SPTLC3: variants seen among roughly 807,000 people sequenced by gnomAD.
The protein encoded by SPTLC3 is serine palmitoyltransferase 3.
A neutral mutation model predicts 59.3 loss-of-function variants in SPTLC3; 36 were observed. The ratio of observed to expected loss-of-function variants is 0.61; its 90% confidence interval spans 0.47 to 0.80. SPTLC3 has a LOEUF of 0.80. SPTLC3 is among the 30% of genes least tolerant of loss of function. The probability of loss-of-function intolerance (pLI) is 0.00; values close to 1 mark genes in which losing one functional copy is unlikely to be tolerated. For synonymous variants in SPTLC3, 257 were observed against 240.8 expected (o/e 1.07, Z -0.62); for missense variants, 625 against 685.1 (o/e 0.91, Z 0.98).
At chr20:13,116,634 G>A (rs1304225831) in intron 7 of SPTLC3, among the ~76,000 whole-genome samples, 1 of 152,122 alleles carries the variant, frequency 6.6e-6, no homozygotes, top group African/African-American at 2.4e-5. Context: ...GTTCTATCGT[G>A]TATCTGTCCC....
At chr20:13,104,426 C>G (rs1415875225) in intron 6 of SPTLC3, among the ~76,000 whole-genome samples, 2 of 152,176 alleles carry the variant, frequency 1.3e-5, no homozygotes, top group Non-Finnish European at 2.9e-5. Context: ...GGCTCCCACT[C>G]TCTCGTCTGC....
intron 1 of SPTLC3, among the ~76,000 whole-genome samples, chr20:13,032,712 T>C (rs960098181): frequency 6.6e-6 from 1 of 152,172 alleles, no homozygotes; most frequent in African/African-American, 2.4e-5. Flanking sequence ...TTTAGACCCC[T>C]CCATGCAATC....
At position 13,129,558 on chromosome 20, in the gene SPTLC3, G is replaced by C. The variant is rs150768059; in HGVS notation, c.1279+2841G>C. On this transcript the variant is annotated intron_variant, in intron 9 of 11. Transcript: ENST00000399002. ...GTCTTGTTTTAAAGACAAGTGACTAGGAAAAAGTTATTCTAGAAATTAGCT... is the reference window on the plus strand; with the variant it reads ...GTCTTGTTTTAAAGACAAGTGACTACGAAAAAGTTATTCTAGAAATTAGCT... 2.4e-4 allele frequency among the ~76,000 whole-genome samples: 37 copies of C among 152,304 alleles called. No homozygotes were observed. The East Asian group carries it at 6.9e-3, about 29-fold the overall frequency.
At chr20:13,101,967 T>C (rs1989617032) in intron 6 of SPTLC3, among the ~76,000 whole-genome samples, 1 of 151,966 alleles carries the variant, frequency 6.6e-6, no homozygotes, top group Non-Finnish European at 1.5e-5. Flanking sequence ...GCTTAGAGAG[T>C]TGTCATGAGG....
chr20:13,055,564 G>C lies in SPTLC3; in HGVS notation c.303+6434G>C, dbSNP rs553331980. Among the ~76,000 whole-genome samples the C allele has an allele frequency of 5.3e-5, 8 of 152,264 alleles. No individual in the cohort carries two copies. In the South Asian group the frequency reaches 1.7e-3, roughly 32 times the overall value. ...TCTCAGGTGTGGCATTTCTTGGAAG[G>C]CTTAGGCTTCAAATCTACAATCTAT... On this transcript the variant is annotated intron_variant, in intron 2 of 11. Transcript: ENST00000399002.
chr20:13,148,544 G>A (rs969353451), intron 9 of SPTLC3, among the ~76,000 whole-genome samples: 1 of 152,248 alleles, frequency 6.6e-6, no homozygotes, highest in African/African-American at 2.4e-5. Context: ...GAACTGCTGG[G>A]AAGTAATCAT....
rs996121110 is a variant in SPTLC3 at position 13,074,274 on chromosome 20, T to A, written c.459-75T>A. On this transcript the variant is annotated intron_variant, in intron 3 of 11. Transcript: ENST00000399002. ...CTTTTTCTTCATAGGAACCCAAGTC[T>A]TCCACCAGGGATTTTTTGAATCGTG... is the stretch of plus-strand genomic sequence containing the variant. The A allele has an allele frequency of 7.0e-6, 11 of 1,570,684 alleles. No individual in the cohort carries two copies. In the African/African-American group the frequency reaches 1.1e-4, roughly 15 times the overall value.
chr20:13,092,034 G>A (rs1443753987), intron 5 of SPTLC3, among the ~76,000 whole-genome samples: 1 of 152,124 alleles, frequency 6.6e-6, no homozygotes, highest in Non-Finnish European at 1.5e-5. Context: ...CATAGAAAAG[G>A]CATGCCCATA....
intron 2 of SPTLC3, among the ~76,000 whole-genome samples, chr20:13,058,096 T>C (rs1987800738): frequency 6.6e-6 from 1 of 152,188 alleles, no homozygotes; most frequent in Non-Finnish European, 1.5e-5. Context: ...CACAGACATT[T>C]CTGGCCCATC....
rs1985086405 is a variant in SPTLC3 at position 13,009,098 on chromosome 20, A to G, written c.-170A>G. The stretch of plus-strand genomic sequence containing the variant: ...GTAACCATTTGTTTTAGTTTCAACG[A>G]TCTGACAAAAAGATAGGCTGTTGCT... On this transcript the variant is annotated 5_prime_UTR_variant, in exon 1 of 12. Coordinates refer to ENST00000399002, the MANE Select transcript of SPTLC3 (RefSeq NM_018327.4). 1 of 632,922 alleles carries G rather than the reference A, an allele frequency of 1.6e-6. No homozygotes were observed. The highest frequency in any genetic ancestry group is 2.5e-5 in the Admixed American group (1 of 39,292). 39.2% of individuals were successfully genotyped at this position (632,922 alleles called of 1,614,324 possible).
intron 1 of SPTLC3, among the ~76,000 whole-genome samples, chr20:13,034,204 A>G (rs577149557): frequency 1.9e-3 from 294 of 152,278 alleles, no homozygotes; most frequent in Admixed American, 4.1e-3. Context: ...AAGAAAAAAA[A>G]AATGTATTTG....
At chr20:13,099,464 C>A (rs1322727404) in intron 6 of SPTLC3, among the ~76,000 whole-genome samples, 1 of 152,230 alleles carries the variant, frequency 6.6e-6, no homozygotes, top group East Asian at 1.9e-4. Flanking sequence ...TAACTTCTTA[C>A]AGCAGCAATA....
intron 2 of SPTLC3, among the ~76,000 whole-genome samples, chr20:13,055,195 G>A (rs945626900): frequency 6.6e-5 from 10 of 151,938 alleles, no homozygotes; most frequent in Non-Finnish European, 1.5e-4. Flanking sequence ...AAATGGTTCT[G>A]TTGGCAAAAT....
At chr20:13,137,896 T>C (rs2122865057) in intron 9 of SPTLC3, among the ~76,000 whole-genome samples, 1 of 152,010 alleles carries the variant, frequency 6.6e-6, no homozygotes, top group South Asian at 2.1e-4. Context: ...CAAACATAGG[T>C]CCCCCTGAGC....
intron 3 of SPTLC3, chr20:13,073,885 G>C (rs568781416): frequency 1.8e-6 from 1 of 548,900 alleles, no homozygotes; most frequent in East Asian, 4.6e-5. Context: ...TTTATAGGAC[G>C]GTCCTGTTTG....
At chr20:13,145,773 T>C (rs2038496213) in intron 9 of SPTLC3, among the ~76,000 whole-genome samples, 1 of 152,194 alleles carries the variant, frequency 6.6e-6, no homozygotes. Flanking sequence ...AACAGCATGA[T>C]ACTGGTAAGA....
chr20:13,013,811 T>A (rs1985379957), intron 1 of SPTLC3, among the ~76,000 whole-genome samples: 1 of 152,224 alleles, frequency 6.6e-6, no homozygotes, highest in African/African-American at 2.4e-5. Context: ...CAAAACCCAA[T>A]GGCTTGAAAC....
rs150143446 is a variant in SPTLC3 at position 13,103,187 on chromosome 20, A to C, written c.827-6925A>C. ...TGTGATCTCATGGAGAACAGACCCC[A>C]TAAATGTGACTTTCAAAAAATAATT... On this transcript the variant is annotated intron_variant, in intron 6 of 11. Transcript: ENST00000399002. Among the ~76,000 whole-genome samples, 141 of 152,318 alleles carry C rather than the reference A, an allele frequency of 9.3e-4. 2 individuals carry two copies. In the East Asian group the frequency reaches 0.014, roughly 16 times the overall value.
intron 10 of SPTLC3, among the ~76,000 whole-genome samples, chr20:13,159,757 T>A (rs1311895100): frequency 6.6e-6 from 1 of 152,172 alleles, no homozygotes; most frequent in African/African-American, 2.4e-5. Flanking sequence ...AATTATCTAA[T>A]GAGTGTGTCA....
Sources: gnomAD v4.1 joint callset for allele counts (sites outside exome capture counted in the v4.1 genomes callset) on GRCh38, gnomAD v4.1.1 for gene constraint, MANE v1.5 for transcripts, NCBI Gene and HGNC (gene_info 2026-07-23, HGNC 2026-07-21) for gene names.